The following KLHL35 variants were observed in gnomAD, a reference collection of about 807,000 sequenced individuals.
KLHL35 encodes the protein kelch-like protein 35.
KLHL35 carries 50 observed loss-of-function variants against 44.0 expected under a neutral mutation model. The observed-to-expected ratio is 1.14, with a 90% CI of 0.91 to 1.44. The LOEUF is 1.44. Among genes scored for constraint, KLHL35 ranks in the 40% most tolerant of loss-of-function variants. The probability of loss-of-function intolerance (pLI) is 0.00; values close to 1 mark genes in which losing one functional copy is unlikely to be tolerated. For synonymous variants in KLHL35, 470 were observed against 410.4 expected, an observed-to-expected ratio of 1.15 and a Z score of -1.76; for missense variants, 1,049 against 887.8, an observed-to-expected ratio of 1.18 and a Z score of -2.31.
Position 75,429,829 on chromosome 11 carries a change from C to A in KLHL35, c.801G>T (p.Glu267Asp). ...GAGCCTCGAGCAGCAGCGGGCGGCA[C>A]TCGCCGCAGGCCTGCAGCAGCTCGT... is the stretch of plus-strand genomic sequence containing the variant. ...EADELLQACG[E>D]CRPLLLEARA... Residue 267 changes from glutamate to aspartate, a missense_variant, in exon 2 of 7, where the codon GAG becomes GAT. Coordinates refer to ENST00000539798, the MANE Select transcript of KLHL35 (RefSeq NM_001039548.3). 6.6e-7 allele frequency: 1 copy of A among 1,512,526 alleles called. No individual in the cohort carries two copies. Among genetic ancestry groups the A allele is most frequent in the South Asian group, 1.2e-5 (1 of 82,022 alleles). 93.7% of individuals were successfully genotyped at this position (1,512,526 alleles called of 1,614,324 possible).
Position 75,422,536 on chromosome 11 carries a change from C to T in KLHL35, c.*44G>A, listed in dbSNP as rs761375916. The T allele has an allele frequency of 1.3e-6, 2 of 1,586,522 alleles. No homozygotes were observed. The highest frequency in any genetic ancestry group is 1.7e-6 in the Non-Finnish European group (2 of 1,160,996). ...AGGGAGCAGAGTGTGCATCTGAGCT[C>T]CGCCTGCCTCTCCGCCTCCTGGCTC... is the stretch of plus-strand genomic sequence containing the variant. On this transcript the variant is annotated 3_prime_UTR_variant, in exon 7 of 7. Transcript: ENST00000539798.
rs745702049 is a variant in KLHL35 at position 75,430,171 on chromosome 11, G to A, written c.459C>T (p.Ala153=). The A allele has an allele frequency of 2.6e-5, 32 of 1,236,402 alleles. No homozygotes were observed. The South Asian group carries it at 7.4e-4, about 29-fold the overall frequency. The allele number at this position is 1,236,402 out of a possible 1,614,324, so 76.6% of individuals were successfully genotyped here. A position where few individuals can be genotyped will look rare whatever the true frequency, so the allele number is the denominator to read the frequency against. The part of the protein sequence containing the change: ...VRFLEGRLRA[A]NSLALRRVAA... ...CCACGCGGCGCAGCGCTAGGCTGTT[G>A]GCGGCGCGCAGGCGGCCCTCGAGAA... The change falls in exon 2 of 7, where the codon GCC becomes GCT. Residue 153 remains alanine (A), a synonymous_variant. Coordinates refer to ENST00000539798, the MANE Select transcript of KLHL35 (RefSeq NM_001039548.3).
At chr11:75,424,122 T>C in intron 5 of KLHL35, 1 of 471,790 alleles carries the variant, frequency 2.1e-6, no homozygotes, top group Non-Finnish European at 3.8e-6. Context: ...AAAAGCCTCC[T>C]CATCTTTCGA....
chr11:75,428,515 T>TG lies in KLHL35; in HGVS notation c.992dup (p.Leu332ThrfsTer20). ...GAGTGTAGCCGGGCAGGCTGGGCAG[T>TG]GGGGTCCACCGCTGGCTCTCTGGAT... On this transcript the variant is annotated frameshift_variant, in exon 3 of 7. Coordinates refer to ENST00000539798, the MANE Select transcript of KLHL35 (RefSeq NM_001039548.3). LOFTEE classifies it high-confidence loss of function. 1 of 1,612,404 alleles carries TG rather than the reference T, an allele frequency of 6.2e-7. No individual in the cohort carries two copies. Among genetic ancestry groups the TG allele is most frequent in the Non-Finnish European group, 8.5e-7 (1 of 1,179,874 alleles).
At position 75,429,976 on chromosome 11, in the gene KLHL35, T is replaced by C; in HGVS notation, c.654A>G (p.Glu218=). 1 of 1,431,144 alleles carries C rather than the reference T, an allele frequency of 7.0e-7. No individual in the cohort carries two copies. Among genetic ancestry groups the C allele is most frequent in the Non-Finnish European group, 9.1e-7 (1 of 1,099,242 alleles). The allele number at this position is 1,431,144 out of a possible 1,614,324, so 88.7% of individuals were successfully genotyped here. A position where few individuals can be genotyped will look rare whatever the true frequency, so the allele number is the denominator to read the frequency against. ...CGTGGCGCACCCAGCGCATGGCCGC[T>C]TCAAACACGGCCTCCTCGCGCGCCA... ...LGVAREEAVF[E]AAMRWVRHDA... is the part of the protein sequence containing the mutation. The change falls in exon 2 of 7, where the codon GAA becomes GAG. Residue 218 remains glutamate, a synonymous_variant. Transcript: ENST00000539798.
Position 75,422,703 on chromosome 11 carries a change from TCCGCGATCATC to T in KLHL35, c.1618_1628del (p.Asp540ArgfsTer5). On this transcript the variant is annotated frameshift_variant, in exon 7 of 7. Transcript: ENST00000539798. LOFTEE classifies it high-confidence loss of function. Reference sequence around the variant, plus strand: ...AGGTGAAGACCTTATCGGTGCTTTCTCCGCGATCATCCCGCCCGCCAAGGATGTGGACCTTC... The same window carrying T: ...AGGTGAAGACCTTATCGGTGCTTTCTCCGCCCGCCAAGGATGTGGACCTTC... The T allele has an allele frequency of 6.2e-7, 1 of 1,614,036 alleles. No individual in the cohort carries two copies. Among genetic ancestry groups the T allele is most frequent in the Non-Finnish European group, 8.5e-7 (1 of 1,179,904 alleles).
intron 2 of KLHL35, among the ~76,000 whole-genome samples, chr11:75,428,987 T>C (rs1006965143): frequency 9.2e-5 from 14 of 152,190 alleles, no homozygotes; most frequent in African/African-American, 3.1e-4. Flanking sequence ...TCACATACCA[T>C]GGCGTGCCCA....
At chr11:75,430,678 G>A in intron 1 of KLHL35, 48 bp from the exon 2 acceptor site, 1 of 1,298,040 alleles carries the variant, frequency 7.7e-7, no homozygotes, top group Non-Finnish European at 9.8e-7. Flanking sequence ...ACCTGGCTGC[G>A]CCCGGGAGAG....
At position 75,423,743 on chromosome 11, in the gene KLHL35, A is replaced by G. The variant is rs1948469027; in HGVS notation, c.1512T>C (p.Tyr504=). The change falls in exon 6 of 7, where the codon TAT becomes TAC. Residue 504 remains tyrosine (Y), a synonymous_variant. Coordinates refer to ENST00000539798, the MANE Select transcript of KLHL35 (RefSeq NM_001039548.3). Reference sequence around the variant, plus strand: ...CCCCCCACACATCTGTGCCTGGATCATAGGTGAAGATTTTGCTCATGAGAC... The same window carrying G: ...CCCCCCACACATCTGTGCCTGGATCGTAGGTGAAGATTTTGCTCATGAGAC... The part of the protein sequence containing the change: ...MGGLMSKIFT[Y]DPGTDVWGEA... 18 of 1,613,778 alleles carry G rather than the reference A, an allele frequency of 1.1e-5. No individual in the cohort carries two copies. The East Asian group carries it at 3.6e-4, about 32-fold the overall frequency.
chr11:75,428,526 G>A lies in KLHL35; in HGVS notation c.982C>T (p.Arg328Trp), dbSNP rs956493014. The change falls in exon 3 of 7, where the codon CGG (arginine) becomes TGG (tryptophan). Residue 328 changes from arginine to tryptophan, a missense_variant. Coordinates refer to ENST00000539798, the MANE Select transcript of KLHL35 (RefSeq NM_001039548.3). ...FADAYHPESQ[R>W]WTPLPSLPGY... Reference sequence around the variant, plus strand: ...GGCAGGCTGGGCAGTGGGGTCCACCGCTGGCTCTCTGGATGGTAGGCATCG... The same window carrying A: ...GGCAGGCTGGGCAGTGGGGTCCACCACTGGCTCTCTGGATGGTAGGCATCG... 11 of 1,612,028 alleles carry A rather than the reference G, an allele frequency of 6.8e-6. No individual in the cohort carries two copies. Among genetic ancestry groups the A allele is most frequent in the Non-Finnish European group, 9.3e-6 (11 of 1,179,850 alleles).
intron 1 of KLHL35, among the ~76,000 whole-genome samples, chr11:75,432,502 T>C (rs1161018255): frequency 1.3e-5 from 2 of 152,088 alleles, no homozygotes; most frequent in Non-Finnish European, 2.9e-5. Flanking sequence ...AACCAGTCTG[T>C]CCTCCACTGG....
chr11:75,429,702 C>T (rs544471684), intron 2 of KLHL35, 47 bp downstream of exon 2: 3 of 1,409,884 alleles, frequency 2.1e-6, no homozygotes, highest in East Asian at 6.0e-5. Context: ...GCGGTGGAAG[C>T]AGGCGGGAAG....
chr11:75,425,307 G>T, intron 5 of KLHL35, 86 bp downstream of exon 5: 1 of 1,356,140 alleles, frequency 7.4e-7, no homozygotes, highest in Non-Finnish European at 9.7e-7. Context: ...AAATGGACAA[G>T]GGCATGGAAA....
chr11:75,426,772 G>A (rs1592038237), intron 3 of KLHL35, 134 bp from the exon 4 acceptor site: 2 of 593,064 alleles, frequency 3.4e-6, no homozygotes, highest in Non-Finnish European at 3.0e-6. Context: ...TTGAGCTGGT[G>A]TAAGACTCTG....
intron 4 of KLHL35, chr11:75,425,887 A>AC (rs1948487269): frequency 3.0e-6 from 1 of 329,472 alleles, no homozygotes; most frequent in East Asian, 4.7e-5. Context: ...AGACTTTACC[A>AC]CCCCACTTAA....
intron 1 of KLHL35, among the ~76,000 whole-genome samples, chr11:75,430,862 C>T (rs150127705): frequency 7.0e-4 from 106 of 152,358 alleles, no homozygotes; most frequent in African/African-American, 2.4e-3. Flanking sequence ...TTCAAACTTG[C>T]TAAGCGTTTT....
chr11:75,431,068 G>A (rs532036437), intron 1 of KLHL35, among the ~76,000 whole-genome samples: 1 of 152,322 alleles, frequency 6.6e-6, no homozygotes, highest in Admixed American at 6.5e-5. Flanking sequence ...GAAGTTACTG[G>A]AACCTGGAAA....
At chr11:75,423,047 G>A (rs757788458) in intron 6 of KLHL35, 2 of 446,268 alleles carry the variant, frequency 4.5e-6, no homozygotes, top group Non-Finnish European at 8.1e-6. Flanking sequence ...TCCCTTAACA[G>A]TTAATGGAAG....
Position 75,429,793 on chromosome 11 carries a change from G to A in KLHL35, c.837C>T (p.Phe279=), listed in dbSNP as rs1382037414. Residue 279 remains phenylalanine, a synonymous_variant, in exon 2 of 7, where the codon TTC becomes TTT. Coordinates refer to ENST00000539798, the MANE Select transcript of KLHL35 (RefSeq NM_001039548.3). Reference sequence around the variant, plus strand: ...GCGCACCGGCCTCGCGGCCCAGGATGAAGCAGGCGCGAGCCTCGAGCAGCA... The same window carrying A: ...GCGCACCGGCCTCGCGGCCCAGGATAAAGCAGGCGCGAGCCTCGAGCAGCA... The part of the protein sequence containing the change: ...RPLLLEARAC[F]ILGREAGALR... 4 of 1,511,770 alleles carry A rather than the reference G, an allele frequency of 2.6e-6. No individual in the cohort carries two copies. Among genetic ancestry groups the A allele is most frequent in the African/African-American group, 1.4e-5 (1 of 69,796 alleles). The allele number at this position is 1,511,770 out of a possible 1,614,324, so 93.6% of individuals were successfully genotyped here.
Sources: gnomAD v4.1 joint callset for allele counts (sites outside exome capture counted in the v4.1 genomes callset) on GRCh38, gnomAD v4.1.1 for gene constraint, MANE v1.5 for transcripts, NCBI Gene and HGNC (gene_info 2026-07-23, HGNC 2026-07-21) for gene names.